Variants in SSPN observed in about 807,000 individuals in gnomAD.
The protein encoded by SSPN is sarcospan.
Under a neutral mutation model 19.1 loss-of-function variants are expected in SSPN, and 15 were observed. That is an observed-to-expected ratio of 0.78 (90% confidence interval 0.52 to 1.21). SSPN has a LOEUF of 1.21. Ranked by LOEUF, SSPN falls within the 50% of genes most tolerant of loss-of-function variation. The pLI is 0.00. For missense variants in SSPN, 291 were observed against 314.0 expected (o/e 0.93, Z 0.55); for synonymous variants, 147 against 140.3 (o/e 1.05, Z -0.34).
intron 1 of SSPN, among the ~76,000 whole-genome samples, chr12:26,141,931 G>T (rs1341233057): frequency 6.6e-6 from 1 of 152,146 alleles, no homozygotes; most frequent in Non-Finnish European, 1.5e-5. Context: ...GGGAGTCACA[G>T]GCACCCATAG....
intron 1 of SSPN, chr12:26,122,173 G>A: frequency 6.6e-7 from 1 of 1,508,022 alleles, no homozygotes; most frequent in Non-Finnish European, 8.9e-7. Context: ...CCGTGCGGGT[G>A]CTGGGGGTGC....
chr12:26,181,938 T>C (rs1413831418), intron 1 of SSPN, among the ~76,000 whole-genome samples: 1 of 152,264 alleles, frequency 6.6e-6, no homozygotes, highest in East Asian at 1.9e-4. Flanking sequence ...CCATGTATTT[T>C]TGTTAGTTAT....
At chr12:26,141,392 A>C (rs1464446880) in intron 1 of SSPN, among the ~76,000 whole-genome samples, 1 of 152,206 alleles carries the variant, frequency 6.6e-6, no homozygotes, top group Non-Finnish European at 1.5e-5. Flanking sequence ...AAACATCTTG[A>C]GTTTAGCCCA....
chr12:26,134,752 C>G (rs972286602), intron 1 of SSPN, among the ~76,000 whole-genome samples: 6 of 140,094 alleles, frequency 4.3e-5, no homozygotes, highest in Non-Finnish European at 9.4e-5. Flanking sequence ...ATTGGTGTGG[C>G]TTTTATGGGC....
chr12:26,151,180 G>A (rs1243949295), intron 1 of SSPN, among the ~76,000 whole-genome samples: 2 of 85,806 alleles, frequency 2.3e-5, no homozygotes, highest in Non-Finnish European at 6.1e-5. Context: ...TTAGTCTTTT[G>A]AGCAGGTTTT....
At chr12:26,162,922 T>A (rs1331034707) in intron 1 of SSPN, among the ~76,000 whole-genome samples, 1 of 152,030 alleles carries the variant, frequency 6.6e-6, no homozygotes, top group African/African-American at 2.4e-5. Flanking sequence ...ATACCCAAAT[T>A]AAGTTGATGA....
intron 1 of SSPN, among the ~76,000 whole-genome samples, chr12:26,172,088 T>A (rs1944656667): frequency 6.6e-6 from 1 of 152,214 alleles, no homozygotes; most frequent in Admixed American, 6.5e-5. Flanking sequence ...TTTGTTATTA[T>A]TTTTTGAAAT....
chr12:26,224,233 T>C lies in SSPN; in HGVS notation c.280-60T>C, dbSNP rs967924006. On this transcript the variant is annotated intron_variant, in intron 1 of 2. Transcript: ENST00000242729. Reference sequence around the variant, plus strand: ...GACTGCAGGAAGATACTGAGACTGATGTCATTTGAACGCACAACGTACCCT... The same window carrying C: ...GACTGCAGGAAGATACTGAGACTGACGTCATTTGAACGCACAACGTACCCT... The C allele has an allele frequency of 1.1e-5, 13 of 1,166,760 alleles. No individual in the cohort carries two copies. The African/African-American group carries it at 1.4e-4, about 12-fold the overall frequency. 72.3% of individuals were successfully genotyped at this position (1,166,760 alleles called of 1,614,324 possible).
At chr12:26,132,355 T>G (rs1364719800) in intron 1 of SSPN, among the ~76,000 whole-genome samples, 1 of 152,190 alleles carries the variant, frequency 6.6e-6, no homozygotes, top group African/African-American at 2.4e-5. Flanking sequence ...AGTTTACAAT[T>G]TAATGGATTA....
chr12:26,196,159 T>A (rs2137457262), intron 1 of SSPN, among the ~76,000 whole-genome samples: 1 of 152,322 alleles, frequency 6.6e-6, no homozygotes, highest in South Asian at 2.1e-4. Context: ...CCTCTCCTGC[T>A]CGCGGCTCCC....
At chr12:26,224,537 C>T (rs1216000079) in intron 2 of SSPN, among the ~76,000 whole-genome samples, 158 bp downstream of exon 2, 1 of 152,034 alleles carries the variant, frequency 6.6e-6, no homozygotes, top group Non-Finnish European at 1.5e-5. Flanking sequence ...TGATCCAGAC[C>T]TCAAAGGTAA....
At chr12:26,224,478 T>A in intron 2 of SSPN, 99 bp downstream of exon 2, 1 of 1,058,212 alleles carries the variant, frequency 9.4e-7, no homozygotes, top group Non-Finnish European at 1.4e-6. Context: ...ATCTGATTAG[T>A]CTAGAAATTG....
intron 1 of SSPN, among the ~76,000 whole-genome samples, chr12:26,157,173 C>T (rs534369158): frequency 1.4e-4 from 21 of 152,198 alleles, no homozygotes; most frequent in African/African-American, 5.1e-4. Flanking sequence ...TAGGGTTTTC[C>T]GGGTGCAGAT....
intron 1 of SSPN, among the ~76,000 whole-genome samples, chr12:26,199,797 G>T (rs1944862095): frequency 6.6e-6 from 1 of 152,224 alleles, no homozygotes; most frequent in South Asian, 2.1e-4. Context: ...TCTGTGGAGG[G>T]TGTCTGCTGT....
At chr12:26,203,084 T>A (rs1218574753) in intron 1 of SSPN, among the ~76,000 whole-genome samples, 1 of 152,118 alleles carries the variant, frequency 6.6e-6, no homozygotes, top group Non-Finnish European at 1.5e-5. Flanking sequence ...CATCTTCTCA[T>A]GAGAAGAGCA....
chr12:26,150,957 G>A (rs1262684283), intron 1 of SSPN, among the ~76,000 whole-genome samples: 2 of 152,118 alleles, frequency 1.3e-5, no homozygotes, highest in Admixed American at 6.6e-5. Flanking sequence ...GCTATTCATC[G>A]GCCAGTGTGA....
At chr12:26,167,213 T>C (rs1944626666) in intron 1 of SSPN, among the ~76,000 whole-genome samples, 1 of 152,116 alleles carries the variant, frequency 6.6e-6, no homozygotes. Context: ...ATACGTGAGG[T>C]TTTTTAAAAA....
At chr12:26,185,263 C>T (rs1944745546) in intron 1 of SSPN, among the ~76,000 whole-genome samples, 1 of 152,170 alleles carries the variant, frequency 6.6e-6, no homozygotes. Context: ...ACCTGGTAGG[C>T]ACTGGTGATG....
intron 1 of SSPN, chr12:26,123,838 C>G (rs970418054): frequency 6.8e-5 from 59 of 866,710 alleles, no homozygotes; most frequent in Admixed American, 1.0e-4. Flanking sequence ...TAAGCAAACA[C>G]TTTGAAAGAA....
Sources: allele counts gnomAD v4.1 joint callset (sites outside exome capture counted in the v4.1 genomes callset), GRCh38; gene constraint gnomAD v4.1.1; transcripts MANE v1.5; gene names NCBI Gene and HGNC (gene_info 2026-07-23, HGNC 2026-07-21).